ONECUT1: variants seen among roughly 807,000 people sequenced by gnomAD.
The protein encoded by ONECUT1 is hepatocyte nuclear factor 6.
In ONECUT1, 12 loss-of-function variants were observed where a neutral mutation model predicts 25.6. The ratio of observed to expected loss-of-function variants is 0.47; its 90% CI spans 0.30 to 0.76. The LOEUF (loss-of-function observed/expected upper bound fraction) is 0.76. Among genes scored for constraint, ONECUT1 ranks in the 30% least tolerant of loss-of-function variants. The pLI, the probability that ONECUT1 is intolerant of heterozygous loss-of-function variation, is 0.07. For missense variants in ONECUT1, 620 were observed against 651.2 expected (o/e 0.95, Z 0.52); for synonymous variants, 285 against 270.2 (o/e 1.05, Z -0.54).
intron 1 of ONECUT1, among the ~76,000 whole-genome samples, chr15:52,778,783 A>G (rs2083820627): frequency 6.6e-6 from 1 of 152,314 alleles, no homozygotes; most frequent in African/African-American, 2.4e-5. Context: ...TAGGGCCCCA[A>G]CTAAGCTTCC....
intron 1 of ONECUT1, among the ~76,000 whole-genome samples, chr15:52,773,031 A>G (rs556900076): frequency 2.6e-5 from 4 of 152,186 alleles, no homozygotes; most frequent in Non-Finnish European, 5.9e-5. Flanking sequence ...TTCTGATTCC[A>G]TAGGATTTCT....
At chr15:52,758,558 T>C (rs375288104) in intron 1 of ONECUT1, among the ~76,000 whole-genome samples, 4 of 152,188 alleles carry the variant, frequency 2.6e-5, no homozygotes, top group Non-Finnish European at 5.9e-5. Context: ...AGACTAAACC[T>C]GCCAAGTTAG....
intron 1 of ONECUT1, among the ~76,000 whole-genome samples, chr15:52,765,016 C>G (rs569542914): frequency 6.6e-6 from 1 of 152,338 alleles, no homozygotes; most frequent in African/African-American, 2.4e-5. Flanking sequence ...GGCTGCTACC[C>G]AGATTCCTGA....
chr15:52,764,564 C>G (rs1240658529), intron 1 of ONECUT1, among the ~76,000 whole-genome samples: 1 of 152,212 alleles, frequency 6.6e-6, no homozygotes, highest in African/African-American at 2.4e-5. Context: ...GTGGCTTGCT[C>G]TCTGTGAGTC....
At chr15:52,763,686 G>T (rs1009385781) in intron 1 of ONECUT1, among the ~76,000 whole-genome samples, 11 of 152,156 alleles carry the variant, frequency 7.2e-5, no homozygotes, top group African/African-American at 2.7e-4. Context: ...TTTGATCAAA[G>T]AACTCTTTAT....
chr15:52,788,601 G>A lies in ONECUT1; in HGVS notation c.1105+179C>T. 1.5e-6 allele frequency: 1 copy of A among 664,344 alleles called. No individual in the cohort carries two copies. The highest frequency in any genetic ancestry group is 2.0e-5 in the South Asian group (1 of 49,504). The allele number at this position is 664,344 out of a possible 1,614,324, so 41.2% of individuals were successfully genotyped here. A position where few individuals can be genotyped will look rare whatever the true frequency, so the allele number is the denominator to read the frequency against. On this transcript the variant is annotated intron_variant, in intron 1 of 1. Coordinates refer to ENST00000305901, the MANE Select transcript of ONECUT1 (RefSeq NM_004498.4). This position sits in a 1 kb window ranked among gnomAD's most constrained non-coding sequence, Gnocchi z 4.3. ...ACAGCCCAACACCCTGAGCCCTGGA[G>A]TAGGCAATTTGCTCCCACAGCCCTG... is the stretch of plus-strand genomic sequence containing the variant.
At chr15:52,771,870 T>C (rs894251411) in intron 1 of ONECUT1, among the ~76,000 whole-genome samples, 1 of 152,204 alleles carries the variant, frequency 6.6e-6, no homozygotes, top group Admixed American at 6.5e-5. Context: ...AATTACTCCA[T>C]ACTTTGGCAA....
rs144848324 is a variant in ONECUT1 at position 52,778,711 on chromosome 15, C to T, written c.1105+10069G>A. ...TGACCACCTGACAAGGGACTGGCCC[C>T]CTGAGGCTTACACTTTGTTGAGACC... On this transcript the variant is annotated intron_variant, in intron 1 of 1. Coordinates refer to ENST00000305901, the MANE Select transcript of ONECUT1 (RefSeq NM_004498.4). 3.3e-3 allele frequency among the ~76,000 whole-genome samples: 499 copies of T among 152,278 alleles called. 3 individuals are homozygous for T. The highest frequency in any genetic ancestry group is 0.011 in the African/African-American group (466 of 41,550).
chr15:52,775,241 C>T (rs2083792505), intron 1 of ONECUT1, among the ~76,000 whole-genome samples: 1 of 151,532 alleles, frequency 6.6e-6, no homozygotes, highest in Non-Finnish European at 1.5e-5. Context: ...ACCACTGAAG[C>T]ACTTGGGAGC....
Position 52,789,885 on chromosome 15 carries a change from C to A in ONECUT1, c.-1G>T. Reference sequence around the variant, plus strand: ...CTTCCATGGTCAGCTGCGCGTTCATCGTGATCCGGGCGAGCAGGCGGCGGA... The same window carrying A: ...CTTCCATGGTCAGCTGCGCGTTCATAGTGATCCGGGCGAGCAGGCGGCGGA... On this transcript the variant is annotated 5_prime_UTR_variant, in exon 1 of 2. Coordinates refer to ENST00000305901, the MANE Select transcript of ONECUT1 (RefSeq NM_004498.4). This position sits in a 1 kb window ranked among gnomAD's most constrained non-coding sequence, Gnocchi z 4.1. 6.5e-7 allele frequency: 1 copy of A among 1,532,592 alleles called. No individual in the cohort carries two copies. The allele number at this position is 1,532,592 out of a possible 1,614,324, so 94.9% of individuals were successfully genotyped here.
At chr15:52,778,734 A>T (rs572090332) in intron 1 of ONECUT1, among the ~76,000 whole-genome samples, 25 of 152,308 alleles carry the variant, frequency 1.6e-4, no homozygotes, top group Non-Finnish European at 3.1e-4. Context: ...CTTTGTTGAG[A>T]CCTGAAACTG....
chr15:52,771,762 A>G (rs1355507896), intron 1 of ONECUT1, among the ~76,000 whole-genome samples: 1 of 152,140 alleles, frequency 6.6e-6, no homozygotes, highest in East Asian at 1.9e-4. Flanking sequence ...CATCACAGGC[A>G]GATATTTTAA....
intron 1 of ONECUT1, among the ~76,000 whole-genome samples, chr15:52,758,966 T>G (rs765963529): frequency 2.6e-5 from 4 of 152,266 alleles, no homozygotes; most frequent in Non-Finnish European, 5.9e-5. Flanking sequence ...GTAAAAATAG[T>G]GCTCTGATAT....
rs545484418 is a variant in ONECUT1 at position 52,776,298 on chromosome 15, C to T, written c.1105+12482G>A. Among the ~76,000 whole-genome samples the T allele has an allele frequency of 5.3e-5, 8 of 152,302 alleles. 1 individual carries two copies. The South Asian group carries it at 1.7e-3, about 32-fold the overall frequency. On this transcript the variant is annotated intron_variant, in intron 1 of 1. Transcript: ENST00000305901. Reference sequence around the variant, plus strand: ...CATCTTTATATTGACATCCACATAACCACTCTGCAGCTAAAGGTATATCCA... The same window carrying T: ...CATCTTTATATTGACATCCACATAATCACTCTGCAGCTAAAGGTATATCCA...
At chr15:52,777,697 AACACACACACACACACACAC>A (rs369734028) in intron 1 of ONECUT1, among the ~76,000 whole-genome samples, 1 of 122,144 alleles carries the variant, frequency 8.2e-6, no homozygotes, top group Non-Finnish European at 1.6e-5. Context: ...CTTCCTGGAA[AACACACACACACACACACAC>A]ACACACACAC....
At chr15:52,777,739 A>AAAAAAAAAAAAAAC (rs2083812922) in intron 1 of ONECUT1, among the ~76,000 whole-genome samples, 1 of 116,060 alleles carries the variant, frequency 8.6e-6, no homozygotes, top group Admixed American at 7.5e-5. Flanking sequence ...CACACACACA[A>AAAAAAAAAAAAAAC]AAAAACATGT....
chr15:52,789,634 T>A lies in ONECUT1; in HGVS notation c.251A>T (p.His84Leu), dbSNP rs1334745065. The A allele has an allele frequency of 6.4e-7, 1 of 1,554,582 alleles. No homozygotes were observed. The highest frequency in any genetic ancestry group is 1.9e-5 in the Admixed American group (1 of 53,128). The change falls in exon 1 of 2, where the codon CAT (histidine) becomes CTT (leucine). Residue 84 changes from histidine to leucine, a missense_variant. Coordinates refer to ENST00000305901, the MANE Select transcript of ONECUT1 (RefSeq NM_004498.4). The surrounding 1 kb of genome is among the most constrained non-coding windows in gnomAD (Gnocchi z 4.1). The part of the protein sequence containing the change: ...APEHSLAGPL[H>L]PTMTMACETP... ...CTCGCAGGCCATGGTCATGGTGGGA[T>A]GCAGGGGGCCGGCCAGGCTGTGCTC...
At chr15:52,777,449 G>T (rs2083808122) in intron 1 of ONECUT1, among the ~76,000 whole-genome samples, 1 of 152,132 alleles carries the variant, frequency 6.6e-6, no homozygotes, top group Admixed American at 6.6e-5. Context: ...CAGCTTTGGA[G>T]AATGCTTTTG....
At chr15:52,786,678 G>A (rs1467607820) in intron 1 of ONECUT1, among the ~76,000 whole-genome samples, 1 of 152,256 alleles carries the variant, frequency 6.6e-6, no homozygotes, top group Admixed American at 6.5e-5. Context: ...GCTCGGCTAT[G>A]TAGCTCTCCA....
Sources: gnomAD v4.1 joint callset for allele counts (sites outside exome capture counted in the v4.1 genomes callset) on GRCh38, gnomAD v4.1.1 for gene constraint, Gnocchi (gnomAD v3.1) non-coding constraint, MANE v1.5 for transcripts, NCBI Gene and HGNC (gene_info 2026-07-23, HGNC 2026-07-21) for gene names.